Variants in RICTOR observed in about 807,000 individuals in gnomAD.
The protein encoded by RICTOR is RPTOR independent companion of MTOR complex 2.
Under a neutral mutation model 214.9 loss-of-function variants are expected in RICTOR, and 49 were observed. That is an observed-to-expected ratio of 0.23 (90% CI 0.18 to 0.29). RICTOR has a LOEUF of 0.29. Ranked by LOEUF, RICTOR falls within the 10% of genes least tolerant of loss-of-function variation. RICTOR has a pLI of 1.00. For synonymous variants in RICTOR, 717 were observed against 711.3 expected, an observed-to-expected ratio of 1.01 and a Z score of -0.13; for missense variants, 1,625 against 2,047.0, an observed-to-expected ratio of 0.79 and a Z score of 3.98.
chr5:38,989,343 T>TA (rs1752416160), intron 7 of RICTOR, among the ~76,000 whole-genome samples: 1 of 152,216 alleles, frequency 6.6e-6, no homozygotes, highest in South Asian at 2.1e-4. Context: ...ACCCCTTTCT[T>TA]ACACCTTACA....
At chr5:38,947,979 C>T (rs990623759) in intron 31 of RICTOR, among the ~76,000 whole-genome samples, 12 of 152,156 alleles carry the variant, frequency 7.9e-5, no homozygotes, top group South Asian at 2.1e-4. Flanking sequence ...TCATTTATGA[C>T]GAGATATCCT....
chr5:39,003,799 C>A (rs1389472472), intron 3 of RICTOR, among the ~76,000 whole-genome samples, 177 bp from the exon 4 acceptor site: 1 of 152,068 alleles, frequency 6.6e-6, no homozygotes, highest in African/African-American at 2.4e-5. Context: ...ATTTGACCTG[C>A]CAGTTTTAAG....
intron 2 of RICTOR, among the ~76,000 whole-genome samples, chr5:39,071,386 A>G (rs1314622035): frequency 1.3e-5 from 2 of 152,152 alleles, no homozygotes; most frequent in Non-Finnish European, 2.9e-5. Flanking sequence ...TTCCTTATTA[A>G]CAAGTTTATA....
chr5:39,025,577 A>G (rs1279327019), intron 2 of RICTOR, among the ~76,000 whole-genome samples: 1 of 152,240 alleles, frequency 6.6e-6, no homozygotes, highest in African/African-American at 2.4e-5. Context: ...ACAGAAGTTT[A>G]TATCTCATAG....
At chr5:39,068,646 C>A (rs1040342003) in intron 2 of RICTOR, among the ~76,000 whole-genome samples, 1 of 151,576 alleles carries the variant, frequency 6.6e-6, no homozygotes, top group Non-Finnish European at 1.5e-5. Flanking sequence ...TACAGTAGAC[C>A]GAGTGAAAAA....
intron 5 of RICTOR, among the ~76,000 whole-genome samples, chr5:39,001,526 C>A (rs1381656716): frequency 6.6e-6 from 1 of 151,952 alleles, no homozygotes; most frequent in Non-Finnish European, 1.5e-5. Context: ...TCCAAATAGA[C>A]AAAAAGCATT....
intron 3 of RICTOR, among the ~76,000 whole-genome samples, chr5:39,014,557 T>C (rs1282276004): frequency 6.6e-6 from 1 of 152,156 alleles, no homozygotes; most frequent in African/African-American, 2.4e-5. Flanking sequence ...AAGCTTTTAA[T>C]ATAAATATAT....
intron 2 of RICTOR, among the ~76,000 whole-genome samples, chr5:39,065,127 T>C (rs949260798): frequency 1.3e-5 from 2 of 152,208 alleles, no homozygotes; most frequent in Non-Finnish European, 2.9e-5. Flanking sequence ...TTTAATTGGC[T>C]ATCATTTCTG....
At position 38,952,093 on chromosome 5, in the gene RICTOR, A is replaced by G. The variant is rs993206193; in HGVS notation, c.3127+103T>C. 2.0e-5 allele frequency: 14 copies of G among 704,852 alleles called. No homozygotes were observed. In the Admixed American group the frequency reaches 3.4e-4, roughly 17 times the overall value. 43.7% of individuals were successfully genotyped at this position (704,852 alleles called of 1,614,324 possible). On this transcript the variant is annotated intron_variant, in intron 30 of 37. Coordinates refer to ENST00000357387, the MANE Select transcript of RICTOR (RefSeq NM_152756.5). ...GCTATTATTGCCAAATAATTATCTT[A>G]GACAAAAGCAAATTACAAATGTAAC...
At chr5:38,957,426 T>C (rs1749357107) in intron 25 of RICTOR, among the ~76,000 whole-genome samples, 1 of 152,134 alleles carries the variant, frequency 6.6e-6, no homozygotes, top group Non-Finnish European at 1.5e-5. Context: ...ATAGAACGAA[T>C]ACAGTCAACA....
intron 7 of RICTOR, among the ~76,000 whole-genome samples, chr5:38,989,864 G>C (rs1752453620): frequency 6.6e-6 from 1 of 152,162 alleles, no homozygotes; most frequent in Admixed American, 6.5e-5. Context: ...ATGTTAGAGA[G>C]GATGTGAAGA....
intron 10 of RICTOR, among the ~76,000 whole-genome samples, chr5:38,973,536 T>C (rs1015622707): frequency 2.0e-5 from 3 of 152,174 alleles, no homozygotes; most frequent in Non-Finnish European, 2.9e-5. Context: ...TTTTATGACA[T>C]GTTAGGGAAA....
chr5:38,983,922 C>T (rs776257360), intron 7 of RICTOR, among the ~76,000 whole-genome samples: 1 of 152,076 alleles, frequency 6.6e-6, no homozygotes, highest in Non-Finnish European at 1.5e-5. Flanking sequence ...CCTGAGATTG[C>T]GCCACTACAC....
intron 2 of RICTOR, among the ~76,000 whole-genome samples, chr5:39,072,514 G>T (rs1423688): frequency 0.67 from 101,821 of 152,086 alleles, 34,812 homozygotes; most frequent in African/African-American, 0.82. Flanking sequence ...GTTTATTAAG[G>T]GCTCCCTTCA....
rs781046320 is a variant in RICTOR at position 38,952,452 on chromosome 5, A to C, written c.2898-27T>G. The C allele has an allele frequency of 2.1e-6, 3 of 1,432,176 alleles. No homozygotes were observed. In the African/African-American group the frequency reaches 4.2e-5, roughly 20 times the overall value. The allele number at this position is 1,432,176 out of a possible 1,614,324, so 88.7% of individuals were successfully genotyped here. On this transcript the variant is annotated intron_variant, in intron 29 of 37. Coordinates refer to ENST00000357387, the MANE Select transcript of RICTOR (RefSeq NM_152756.5). ...TGTATATAAAAGATGCAGTAAAAACAGTTATAATTCCAAGCTGAGATTTCT... is the reference window on the plus strand; with the variant it reads ...TGTATATAAAAGATGCAGTAAAAACCGTTATAATTCCAAGCTGAGATTTCT...
rs1747551601 is a variant in RICTOR at position 38,941,334 on chromosome 5, A to G, written c.*970T>C. On this transcript the variant is annotated 3_prime_UTR_variant, in exon 38 of 38. Coordinates refer to ENST00000357387, the MANE Select transcript of RICTOR (RefSeq NM_152756.5). Reference sequence around the variant, plus strand: ...AACAAGCTTTATTAATGTTTTTTTTAAGGAAATATGGCTCTTCTTTCCCCA... The same window carrying G: ...AACAAGCTTTATTAATGTTTTTTTTGAGGAAATATGGCTCTTCTTTCCCCA... 4.3e-6 allele frequency: 1 copy of G among 231,422 alleles called. No homozygotes were observed. The highest frequency in any genetic ancestry group is 1.8e-4 in the South Asian group (1 of 5,512). The allele number at this position is 231,422 out of a possible 1,614,324, so 14.3% of individuals were successfully genotyped here.
intron 19 of RICTOR, 56 bp from the exon 20 acceptor site, chr5:38,960,589 T>C: frequency 6.5e-7 from 1 of 1,546,480 alleles, no homozygotes; most frequent in Non-Finnish European, 8.9e-7. Flanking sequence ...TATTTTAGAA[T>C]CTTAACCATT....
intron 2 of RICTOR, 100 bp downstream of exon 2, chr5:39,074,011 C>G (rs1305060361): frequency 1.7e-4 from 142 of 822,450 alleles, no homozygotes; most frequent in Non-Finnish European, 2.3e-4. Context: ...CGCACCCCGC[C>G]GGTCCCGTGC....
intron 3 of RICTOR, among the ~76,000 whole-genome samples, chr5:39,004,834 C>T (rs1474017546): frequency 3.7e-5 from 5 of 133,924 alleles, no homozygotes; most frequent in South Asian, 2.3e-4. Context: ...CAGACTGGAG[C>T]GCAATGGTGC....
Sources: gnomAD v4.1 joint callset for allele counts (sites outside exome capture counted in the v4.1 genomes callset) on GRCh38, gnomAD v4.1.1 for gene constraint, MANE v1.5 for transcripts, NCBI Gene and HGNC (gene_info 2026-07-23, HGNC 2026-07-21) for gene names.